The following VSNL1 variants were observed in gnomAD, a reference collection of about 807,000 sequenced individuals.
The protein encoded by VSNL1 is visinin like 1.
A neutral mutation model predicts 20.4 loss-of-function variants in VSNL1; 6 were observed. The observed-to-expected ratio is 0.29, with a 90% confidence interval of 0.16 to 0.58. The LOEUF is 0.58. Ranked by LOEUF, VSNL1 falls within the 20% of genes least tolerant of loss-of-function variation. VSNL1 has a pLI of 0.90. For missense variants in VSNL1, 100 were observed against 234.5 expected (o/e 0.43, Z 3.75); for synonymous variants, 93 against 86.4 (o/e 1.08, Z -0.42).
At chr2:17,561,127 C>T (rs1663803577) in intron 1 of VSNL1, among the ~76,000 whole-genome samples, 1 of 152,112 alleles carries the variant, frequency 6.6e-6, no homozygotes, top group South Asian at 2.1e-4. Flanking sequence ...AGATAGACTT[C>T]TTGATAGAGC....
At chr2:17,625,156 A>G (rs1211455544) in intron 2 of VSNL1, among the ~76,000 whole-genome samples, 1 of 152,210 alleles carries the variant, frequency 6.6e-6, no homozygotes, top group South Asian at 2.1e-4. Context: ...CCATCCATGT[A>G]AGACAGGACT....
At chr2:17,599,594 C>G (rs62132134) in intron 2 of VSNL1, among the ~76,000 whole-genome samples, 48,162 of 152,110 alleles carry the variant, frequency 0.32, 7,919 homozygotes, top group Middle Eastern at 0.37. Flanking sequence ...TTGTTTCTCA[C>G]TCCCTCTTTT....
intron 2 of VSNL1, among the ~76,000 whole-genome samples, chr2:17,623,541 G>A (rs557695087): frequency 6.6e-6 from 1 of 152,056 alleles, no homozygotes; most frequent in Admixed American, 6.6e-5. Context: ...GTGGTGGCAG[G>A]TGCCTGTAGT....
At position 17,545,171 on chromosome 2, in the gene VSNL1, G is replaced by A. The variant is rs528964708; in HGVS notation, c.-6+4253G>A. Among the ~76,000 whole-genome samples the A allele has an allele frequency of 2.6e-5, 4 of 152,140 alleles. No individual in the cohort carries two copies. In the East Asian group the frequency reaches 5.8e-4, roughly 22 times the overall value. On this transcript the variant is annotated intron_variant, in intron 1 of 3. Transcript: ENST00000295156. ...TTGTTCTAATAAGAATCAGTTGCAT[G>A]TACCTTGTTAATTATATCAAAAATT...
chr2:17,564,318 A>G (rs1663885993), intron 1 of VSNL1, among the ~76,000 whole-genome samples: 2 of 152,200 alleles, frequency 1.3e-5, no homozygotes, highest in Admixed American at 6.5e-5. Context: ...GCTGAAAGGA[A>G]CTATGTCTGG....
At chr2:17,627,391 A>G (rs1043527841) in intron 2 of VSNL1, among the ~76,000 whole-genome samples, 2 of 152,222 alleles carry the variant, frequency 1.3e-5, no homozygotes, top group East Asian at 3.8e-4. Context: ...CTGCCTAGAC[A>G]GAGGCGATTT....
intron 2 of VSNL1, among the ~76,000 whole-genome samples, chr2:17,646,858 T>C (rs1362359850): frequency 3.9e-5 from 6 of 152,172 alleles, no homozygotes; most frequent in Non-Finnish European, 7.3e-5. Context: ...TCCTAAGAAA[T>C]TGAAGGGAAT....
intron 2 of VSNL1, among the ~76,000 whole-genome samples, chr2:17,612,936 G>A (rs1474213104): frequency 6.6e-6 from 1 of 152,072 alleles, no homozygotes; most frequent in Non-Finnish European, 1.5e-5. Flanking sequence ...CCCAACCTTG[G>A]GTGAAGGTGC....
At chr2:17,597,194 C>T (rs1558294547) in intron 2 of VSNL1, among the ~76,000 whole-genome samples, 1 of 152,210 alleles carries the variant, frequency 6.6e-6, no homozygotes, top group African/African-American at 2.4e-5. Flanking sequence ...ATCCTGGATT[C>T]TTAGACACCG....
chr2:17,622,531 GAAAAGAAA>G lies in VSNL1; in HGVS notation c.163-26878_163-26871del, dbSNP rs1341485990. Among the ~76,000 whole-genome samples the G allele has an allele frequency of 7.6e-5, 5 of 65,592 alleles. No homozygotes were observed. In the South Asian group the frequency reaches 1.8e-3, roughly 24 times the overall value. The allele number at this position is 65,592 out of a possible 152,430, so 43.0% of individuals were successfully genotyped here. On this transcript the variant is annotated intron_variant, in intron 2 of 3. Transcript: ENST00000295156. Reference sequence around the variant, plus strand: ...AAAAGAAAGAAAGAAAAGAAAGAAAGAAAAGAAAGAAAGAAAGAAAGAAAGAAAGAAAG... The same window carrying G: ...AAAAGAAAGAAAGAAAAGAAAGAAAGGAAAGAAAGAAAGAAAGAAAGAAAG...
chr2:17,594,287 T>C (rs1664664030), intron 2 of VSNL1, among the ~76,000 whole-genome samples: 1 of 152,204 alleles, frequency 6.6e-6, no homozygotes, highest in South Asian at 2.1e-4. Flanking sequence ...CTTAGGTCTA[T>C]ATTTTTGGCA....
At chr2:17,588,042 GT>G (rs1664518722) in intron 1 of VSNL1, among the ~76,000 whole-genome samples, 1 of 152,082 alleles carries the variant, frequency 6.6e-6, no homozygotes, top group South Asian at 2.1e-4. Flanking sequence ...GTCCTGTTTT[GT>G]GCCTAGCACT....
At chr2:17,590,055 A>T (rs986339031) in intron 1 of VSNL1, among the ~76,000 whole-genome samples, 12 of 152,178 alleles carry the variant, frequency 7.9e-5, no homozygotes, top group Non-Finnish European at 1.8e-4. Flanking sequence ...CATTAATTGT[A>T]TGCTCTTATA....
At chr2:17,610,156 C>T (rs1258195771) in intron 2 of VSNL1, among the ~76,000 whole-genome samples, 2 of 152,182 alleles carry the variant, frequency 1.3e-5, no homozygotes, top group Admixed American at 1.3e-4. Context: ...CAGTCACACT[C>T]ATAGTCAGAT....
chr2:17,645,333 G>T (rs924320637), intron 2 of VSNL1, among the ~76,000 whole-genome samples: 2 of 152,266 alleles, frequency 1.3e-5, no homozygotes, highest in Admixed American at 6.5e-5. Context: ...TTGGGCTGGA[G>T]AACTTCTTGG....
chr2:17,647,875 T>G (rs1666032492), intron 2 of VSNL1, among the ~76,000 whole-genome samples: 1 of 151,954 alleles, frequency 6.6e-6, no homozygotes, highest in South Asian at 2.1e-4. Flanking sequence ...CCGACATGAA[T>G]AAGAACGCAG....
At chr2:17,604,429 G>C (rs1011484133) in intron 2 of VSNL1, among the ~76,000 whole-genome samples, 42 of 152,346 alleles carry the variant, frequency 2.8e-4, no homozygotes, top group Non-Finnish European at 5.0e-4. Context: ...ATCCCAGCCA[G>C]AGCTGGCAGT....
At chr2:17,562,860 C>A (rs1424505844) in intron 1 of VSNL1, among the ~76,000 whole-genome samples, 1 of 152,124 alleles carries the variant, frequency 6.6e-6, no homozygotes, top group Non-Finnish European at 1.5e-5. Flanking sequence ...ATCTGTCTTC[C>A]ATTCCAAATC....
chr2:17,596,004 A>G (rs1162999126), intron 2 of VSNL1, among the ~76,000 whole-genome samples: 2 of 152,162 alleles, frequency 1.3e-5, no homozygotes, highest in South Asian at 2.1e-4. Flanking sequence ...GATGGGCACT[A>G]CTTGGGTTGT....
Sources: allele counts gnomAD v4.1 joint callset (sites outside exome capture counted in the v4.1 genomes callset), GRCh38; gene constraint gnomAD v4.1.1; transcripts MANE v1.5; gene names NCBI Gene and HGNC (gene_info 2026-07-23, HGNC 2026-07-21).